The following COL25A1 variants were observed in gnomAD, a reference collection of about 807,000 sequenced individuals.
COL25A1 encodes the protein collagen type XXV alpha 1 chain, also known as collagen alpha-1(XXV) chain.
Under a neutral mutation model 128.4 loss-of-function variants are expected in COL25A1, and 103 were observed. The ratio of observed to expected loss-of-function variants is 0.80; its 90% confidence interval spans 0.68 to 0.94. COL25A1 has a LOEUF of 0.94. Among genes scored for constraint, COL25A1 ranks in the 40% least tolerant of loss-of-function variants. COL25A1 has a pLI of 0.00. For synonymous variants in COL25A1, 279 were observed against 277.2 expected (o/e 1.01, Z -0.06); for missense variants, 745 against 840.0 (o/e 0.89, Z 1.40).
At chr4:108,817,292 C>A (rs1207429912) in intron 37 of COL25A1, 105 bp downstream of exon 37, 7 of 977,264 alleles carry the variant, frequency 7.2e-6, no homozygotes, top group Non-Finnish European at 1.1e-5. Context: ...GAGATGAAAT[C>A]TTTTGCTTTT....
intron 3 of COL25A1, among the ~76,000 whole-genome samples, chr4:109,070,427 T>A (rs574949350): frequency 6.6e-6 from 1 of 152,278 alleles, no homozygotes; most frequent in South Asian, 2.1e-4. Context: ...TTCATATTCA[T>A]GATCTTTAAT....
chr4:109,193,730 T>C (rs2126166725), intron 3 of COL25A1, among the ~76,000 whole-genome samples: 1 of 152,274 alleles, frequency 6.6e-6, no homozygotes, highest in South Asian at 2.1e-4. Flanking sequence ...GAGTCCCCTG[T>C]TGCTCCTGAG....
At chr4:109,019,369 C>CATATATATATATATATAT (rs1320479600) in intron 5 of COL25A1, among the ~76,000 whole-genome samples, 10 of 9,242 alleles carry the variant, frequency 1.1e-3, no homozygotes, top group Non-Finnish European at 1.8e-3. Flanking sequence ...CACACACACA[C>CATATATATATATATATAT]ACACACATAT....
intron 3 of COL25A1, among the ~76,000 whole-genome samples, chr4:109,143,764 T>C (rs1770664683): frequency 6.6e-6 from 1 of 152,216 alleles, no homozygotes; most frequent in South Asian, 2.1e-4. Context: ...TCAGGTCATT[T>C]AAACTGGTTA....
Position 109,301,973 on chromosome 4 carries a change from CTG to C in COL25A1, c.45_46del (p.Arg16IlefsTer64). ...TTCGGCAGGGGTCGGGTCCTCGGAT[CTG>C]GGCTCCCGGCCCCCTCCTTTCCCTG... On this transcript the variant is annotated frameshift_variant, in exon 2 of 38. Coordinates refer to ENST00000399132, the MANE Select transcript of COL25A1 (RefSeq NM_198721.4). LOFTEE classifies it high-confidence loss of function. 6.2e-7 allele frequency: 1 copy of C among 1,609,046 alleles called. No individual in the cohort carries two copies. Among genetic ancestry groups the C allele is most frequent in the Non-Finnish European group, 8.5e-7 (1 of 1,177,864 alleles).
chr4:108,969,631 CCT>C, intron 8 of COL25A1, among the ~76,000 whole-genome samples: 1 of 152,260 alleles, frequency 6.6e-6, no homozygotes, highest in African/African-American at 2.4e-5. Context: ...TCCCACTCCA[CCT>C]CTCTCCCTAA....
chr4:108,862,034 A>G (rs1034713122), intron 22 of COL25A1, among the ~76,000 whole-genome samples: 5 of 152,214 alleles, frequency 3.3e-5, no homozygotes, highest in African/African-American at 1.2e-4. Flanking sequence ...GATTCTGCTG[A>G]CAGTATATAT....
At chr4:109,150,975 C>T (rs574317404) in intron 3 of COL25A1, among the ~76,000 whole-genome samples, 55 of 152,010 alleles carry the variant, frequency 3.6e-4, no homozygotes, top group Admixed American at 8.5e-4. Flanking sequence ...TTCTGTTTAC[C>T]GGACTTTTAT....
chr4:108,903,055 GT>G (rs201060558), intron 13 of COL25A1, among the ~76,000 whole-genome samples: 28 of 151,426 alleles, frequency 1.8e-4, no homozygotes, highest in African/African-American at 6.0e-4. Context: ...GGTAGCCAGA[GT>G]TTTTTAAAAA....
chr4:108,868,716 G>A (rs2125807016), intron 20 of COL25A1, among the ~76,000 whole-genome samples: 1 of 143,366 alleles, frequency 7.0e-6, no homozygotes, highest in African/African-American at 2.6e-5. Flanking sequence ...AGGAAGGAGG[G>A]AAGGAAGAAA....
chr4:108,828,611 G>C (rs896846173), intron 32 of COL25A1, among the ~76,000 whole-genome samples: 2 of 152,178 alleles, frequency 1.3e-5, no homozygotes, highest in African/African-American at 4.8e-5. Context: ...CTTGTGAATA[G>C]AATAATTGTG....
intron 3 of COL25A1, among the ~76,000 whole-genome samples, chr4:109,220,581 G>A (rs1170732559): frequency 6.6e-6 from 1 of 152,072 alleles, no homozygotes; most frequent in Non-Finnish European, 1.5e-5. Context: ...TGTATACATA[G>A]CAGTATTTTA....
At chr4:109,268,827 C>A (rs565279605) in intron 3 of COL25A1, among the ~76,000 whole-genome samples, 34 of 152,272 alleles carry the variant, frequency 2.2e-4, no homozygotes, top group African/African-American at 7.5e-4. Flanking sequence ...CTCCCTCATT[C>A]TAAGGAGATC....
chr4:109,179,014 C>A (rs1774379295), intron 3 of COL25A1, among the ~76,000 whole-genome samples: 1 of 151,110 alleles, frequency 6.6e-6, no homozygotes, highest in South Asian at 2.1e-4. Context: ...TTCATTTAAG[C>A]AAATGTTAGA....
At chr4:108,959,734 C>T (rs904514748) in intron 8 of COL25A1, among the ~76,000 whole-genome samples, 4 of 152,204 alleles carry the variant, frequency 2.6e-5, no homozygotes, top group Middle Eastern at 3.4e-3. Context: ...GAAGTAATAC[C>T]ACAGACCAGT....
intron 3 of COL25A1, among the ~76,000 whole-genome samples, chr4:109,295,368 C>T (rs1724875581): frequency 6.6e-6 from 1 of 152,034 alleles, no homozygotes; most frequent in Non-Finnish European, 1.5e-5. Flanking sequence ...AACATGGATG[C>T]TTGAAGGCAC....
chr4:108,907,299 C>T (rs4956224), intron 13 of COL25A1, among the ~76,000 whole-genome samples: 27,754 of 152,076 alleles, frequency 0.18, 2,746 homozygotes, highest in Non-Finnish European at 0.22. Flanking sequence ...ACTAAAGGCT[C>T]CAACAATTCA....
intron 3 of COL25A1, among the ~76,000 whole-genome samples, chr4:109,070,906 G>A (rs1015270135): frequency 2.8e-4 from 42 of 152,084 alleles, no homozygotes; most frequent in Non-Finnish European, 2.9e-5. Context: ...TGGTGTATAT[G>A]TGCCACATTT....
In COL25A1 at chr4:109,211,939, C is replaced by T. The variant is rs189089477; in HGVS notation, c.367+88644G>A. 9.2e-5 allele frequency among the ~76,000 whole-genome samples: 14 copies of T among 152,230 alleles called. 1 individual carries two copies. In the East Asian group the frequency reaches 2.5e-3, roughly 27 times the overall value. ...ATGTGGGCTTTCACAGTCATAAGAC[C>T]TGTATTTTGAATTCCAGGCCCTTTA... On this transcript the variant is annotated intron_variant, in intron 3 of 37. Transcript: ENST00000399132.
Sources: allele counts gnomAD v4.1 joint callset (sites outside exome capture counted in the v4.1 genomes callset), GRCh38; gene constraint gnomAD v4.1.1; transcripts MANE v1.5; gene names NCBI Gene and HGNC (gene_info 2026-07-23, HGNC 2026-07-21).